The following HPRT1 variants were observed in gnomAD, a reference collection of about 807,000 sequenced individuals.
HPRT1 encodes the protein hypoxanthine phosphoribosyltransferase 1, also known as hypoxanthine-guanine phosphoribosyltransferase.
HPRT1 carries 4 observed loss-of-function variants against 19.0 expected under a neutral mutation model. The ratio of observed to expected loss-of-function variants is 0.21; its 90% confidence interval spans 0.10 to 0.48. The LOEUF (loss-of-function observed/expected upper bound fraction) is 0.48. Among genes scored for constraint, HPRT1 ranks in the 20% least tolerant of loss-of-function variants. HPRT1 has a pLI of 0.98. For synonymous variants in HPRT1, 53 were observed against 54.9 expected, an observed-to-expected ratio of 0.97 and a Z score of 0.15; for missense variants, 65 against 164.0, an observed-to-expected ratio of 0.40 and a Z score of 3.30.
At position 134,479,550 on chromosome X, in the gene HPRT1, G is replaced by A. The variant is rs1186786990; in HGVS notation, c.318+4186G>A. ...CTCCCAAAATGCTGGGATTACAGGC[G>A]TGAGCCACCGTGCCTGGCCAGTGGT... On this transcript the variant is annotated intron_variant, in intron 3 of 8. Coordinates refer to ENST00000298556, the MANE Select transcript of HPRT1 (RefSeq NM_000194.3). Among the ~76,000 whole-genome samples, 4 of 111,973 alleles carry A rather than the reference G, an allele frequency of 3.6e-5. No homozygotes were observed. The Admixed American group carries it at 3.8e-4, about 11-fold the overall frequency.
intron 5 of HPRT1, among the ~76,000 whole-genome samples, chrX:134,491,992 TATATATACACACATATATAA>T (rs2077668063): frequency 9.9e-6 from 1 of 100,674 alleles, no homozygotes; most frequent in Admixed American, 1.1e-4. Flanking sequence ...TATACATATA[TATATATACACACATATATAA>T]ATATATATAC....
At chrX:134,491,065 T>C (rs1488090791) in intron 5 of HPRT1, among the ~76,000 whole-genome samples, 1 of 105,408 alleles carries the variant, frequency 9.5e-6, no homozygotes, top group Non-Finnish European at 1.9e-5. Context: ...ATATATATAA[T>C]CTATAGATTA....
At chrX:134,488,766 A>C (rs1018519393) in intron 4 of HPRT1, among the ~76,000 whole-genome samples, 14 of 111,342 alleles carry the variant, frequency 1.3e-4, no homozygotes, top group African/African-American at 4.6e-4. Context: ...TGTATTATTA[A>C]ATTTGCAGTT....
intron 2 of HPRT1, 112 bp from the exon 3 acceptor site, chrX:134,475,069 G>A: frequency 1.8e-6 from 1 of 558,504 alleles, no homozygotes; most frequent in East Asian, 3.6e-5. Context: ...TTGCAGGCAT[G>A]GGGTCTCACT....
At chrX:134,484,390 GA>G (rs2077647275) in intron 3 of HPRT1, among the ~76,000 whole-genome samples, 1 of 111,602 alleles carries the variant, frequency 9.0e-6, no homozygotes, top group African/African-American at 3.3e-5. Flanking sequence ...TAGAATAAGG[GA>G]TGTCTGTAAT....
intron 1 of HPRT1, among the ~76,000 whole-genome samples, chrX:134,469,228 G>A (rs940974207): frequency 1.8e-5 from 2 of 111,429 alleles, no homozygotes; most frequent in East Asian, 5.6e-4. Context: ...TATATAGTAA[G>A]TTGTAACAAA....
intron 5 of HPRT1, among the ~76,000 whole-genome samples, chrX:134,491,968 CAT>C (rs1165000424): frequency 3.2e-5 from 3 of 94,078 alleles, no homozygotes; most frequent in Non-Finnish European, 6.2e-5. Context: ...TATACACACA[CAT>C]ATATAAATAT....
At chrX:134,468,144 T>A (rs1248687546) in intron 1 of HPRT1, among the ~76,000 whole-genome samples, 1 of 110,480 alleles carries the variant, frequency 9.1e-6, no homozygotes, top group Non-Finnish European at 1.9e-5. Flanking sequence ...TTAACACTGT[T>A]CACAGTTACT....
chrX:134,464,849 G>A (rs773634456), intron 1 of HPRT1, among the ~76,000 whole-genome samples: 106 of 110,671 alleles, frequency 9.6e-4, no homozygotes, highest in African/African-American at 3.3e-3. Flanking sequence ...TTACAGGTGG[G>A]AGCCACTACG....
chrX:134,486,815 C>A, intron 4 of HPRT1: 1 of 208,559 alleles, frequency 4.8e-6, no homozygotes, highest in Non-Finnish European at 8.8e-6. Context: ...AAAAGATAGC[C>A]TTTAAAAAAA....
In HPRT1 at chrX:134,486,818, T is replaced by TA. The variant is rs200825657; in HGVS notation, c.384+304dup. Among the ~76,000 whole-genome samples, 4,172 of 87,885 alleles carry TA rather than the reference T, an allele frequency of 0.047. 101 individuals carry two copies. Among genetic ancestry groups the TA allele is most frequent in the Non-Finnish European group, 0.069 (3,031 of 43,645 alleles). 76.3% of individuals were successfully genotyped at this position (87,885 alleles called of 115,157 possible). ...CATTGATGGGGGAAAAGATAGCCTTTAAAAAAAAAAAAAAAACAAACCTAT... is the reference window on the plus strand; with the variant it reads ...CATTGATGGGGGAAAAGATAGCCTTTAAAAAAAAAAAAAAAAACAAACCTAT... On this transcript the variant is annotated intron_variant, in intron 4 of 8. Coordinates refer to ENST00000298556, the MANE Select transcript of HPRT1 (RefSeq NM_000194.3).
At chrX:134,476,846 A>G (rs1343755323) in intron 3 of HPRT1, among the ~76,000 whole-genome samples, 1 of 110,434 alleles carries the variant, frequency 9.1e-6, no homozygotes, top group African/African-American at 3.3e-5. Context: ...TTTTTTTCCT[A>G]TTTGTTTAAG....
At chrX:134,467,550 A>G (rs972042567) in intron 1 of HPRT1, among the ~76,000 whole-genome samples, 3 of 111,705 alleles carry the variant, frequency 2.7e-5, no homozygotes, top group Non-Finnish European at 5.6e-5. Context: ...GGGTTAATTA[A>G]TATCAGATGG....
intron 3 of HPRT1, among the ~76,000 whole-genome samples, chrX:134,484,552 G>C (rs925955696): frequency 8.9e-6 from 1 of 112,101 alleles, no homozygotes; most frequent in African/African-American, 3.2e-5. Context: ...AAAAATAGAA[G>C]CACATAAAAG....
In HPRT1 at chrX:134,476,447, C is replaced by G. The variant is rs768735475; in HGVS notation, c.318+1083C>G. Among the ~76,000 whole-genome samples the G allele has an allele frequency of 8.9e-5, 10 of 112,068 alleles. No homozygotes were observed. The East Asian group carries it at 2.5e-3, about 28-fold the overall frequency. On this transcript the variant is annotated intron_variant, in intron 3 of 8. Coordinates refer to ENST00000298556, the MANE Select transcript of HPRT1 (RefSeq NM_000194.3). The stretch of plus-strand genomic sequence containing the variant: ...GACTTGTTTAAACACAAAATTTAGA[C>G]TTTTACTCAACAAAAGTGATTGATT...
intron 1 of HPRT1, among the ~76,000 whole-genome samples, chrX:134,464,859 G>A (rs17879587): frequency 0.026 from 2,745 of 104,245 alleles, 94 homozygotes; most frequent in African/African-American, 0.091. Flanking sequence ...GAGCCACTAC[G>A]CCTGGCCCAC....
rs779817345 is a variant in HPRT1, at chrX:134,467,041, C to CTTTTTT, written c.28-6302_28-6297dup. Reference sequence around the variant, plus strand: ...TATGCCTTTCCCACTAGATTTTAAGCTTTTTTTTTTTTTTTTTTTTTGTGA... The same window carrying CTTTTTT: ...TATGCCTTTCCCACTAGATTTTAAGCTTTTTTTTTTTTTTTTTTTTTTTTTTTGTGA... On this transcript the variant is annotated intron_variant, in intron 1 of 8. Coordinates refer to ENST00000298556, the MANE Select transcript of HPRT1 (RefSeq NM_000194.3). Among the ~76,000 whole-genome samples the CTTTTTT allele has an allele frequency of 1.6e-3, 100 of 60,978 alleles. 1 individual carries two copies. The highest frequency in any genetic ancestry group is 3.1e-3 in the East Asian group (5 of 1,622). The allele number at this position is 60,978 out of a possible 115,157, so 53.0% of individuals were successfully genotyped here. A position where few individuals can be genotyped will look rare whatever the true frequency, so the allele number is the denominator to read the frequency against.
intron 4 of HPRT1, 28 bp from the exon 5 acceptor site, chrX:134,490,160 C>T: frequency 4.1e-6 from 4 of 978,381 alleles, no homozygotes; most frequent in South Asian, 2.0e-5. Flanking sequence ...ATTCATTGTA[C>T]TGATTTTCAT....
intron 3 of HPRT1, among the ~76,000 whole-genome samples, chrX:134,478,588 G>T (rs2077631663): frequency 2.7e-5 from 3 of 111,876 alleles, no homozygotes; most frequent in African/African-American, 9.7e-5. Flanking sequence ...CAGTGGAACT[G>T]CATTCCAGCC....
Sources: gnomAD v4.1 joint callset for allele counts (sites outside exome capture counted in the v4.1 genomes callset) on GRCh38, gnomAD v4.1.1 for gene constraint, MANE v1.5 for transcripts, NCBI Gene and HGNC (gene_info 2026-07-23, HGNC 2026-07-21) for gene names.